The following TMPRSS9 variants were observed in gnomAD, a reference collection of about 807,000 sequenced individuals.
TMPRSS9 encodes transmembrane protease serine 9.
Under a neutral mutation model 111.4 loss-of-function variants are expected in TMPRSS9, and 113 were observed. That is an observed-to-expected ratio of 1.01 (90% CI 0.87 to 1.19). The LOEUF (loss-of-function observed/expected upper bound fraction) is 1.19. Ranked by LOEUF, TMPRSS9 falls within the 50% of genes most tolerant of loss-of-function variation. The probability of loss-of-function intolerance (pLI) is 0.00; values close to 1 mark genes in which losing one functional copy is unlikely to be tolerated. For synonymous variants in TMPRSS9, 805 were observed against 659.1 expected, an observed-to-expected ratio of 1.22 and a Z score of -3.39; for missense variants, 1,803 against 1,513.1, an observed-to-expected ratio of 1.19 and a Z score of -3.18.
chr19:2,408,502 T>C (rs1231020220), exon 8 of TMPRSS9: 1 of 1,613,906 alleles, frequency 6.2e-7, no homozygotes, highest in East Asian at 2.2e-5. Flanking sequence ...GTGGCTGTGC[T>C]GGAGCTGACC....
chr19:2,423,962 A>G (rs1971528134), intron 14 of TMPRSS9, 127 bp from the exon 16 acceptor site: 4 of 1,019,392 alleles, frequency 3.9e-6, no homozygotes, highest in African/African-American at 1.7e-5. Context: ...TTTTCCTGGG[A>G]TAGGTCCCCC....
chr19:2,403,342 C>A, intron 6 of TMPRSS9, 147 bp downstream of exon 7: 1 of 666,658 alleles, frequency 1.5e-6, no homozygotes. Flanking sequence ...AAAGGGGCAC[C>A]CATGGTATGG....
intron 1 of TMPRSS9, 134 bp downstream of exon 2, chr19:2,390,061 C>G: frequency 8.5e-7 from 1 of 1,179,180 alleles, no homozygotes; most frequent in Non-Finnish European, 1.2e-6. Flanking sequence ...GAAGGCTGCC[C>G]TAGGCCAGGC....
At chr19:2,372,502 C>T (rs537797299) in intron 1 of TMPRSS9, among the ~76,000 whole-genome samples, 21 of 152,222 alleles carry the variant, frequency 1.4e-4, no homozygotes, top group African/African-American at 5.1e-4. Flanking sequence ...TTCATTCTCT[C>T]CCACCCCCAG....
At chr19:2,364,505 C>T (rs1362253690) in intron 1 of TMPRSS9, among the ~76,000 whole-genome samples, 1 of 152,072 alleles carries the variant, frequency 6.6e-6, no homozygotes, top group Non-Finnish European at 1.5e-5. Flanking sequence ...ACCTTGGCCT[C>T]CCAAAGTGCT....
At chr19:2,418,234 C>T in intron 13 of TMPRSS9, 96 bp downstream of exon 14, 3 of 1,455,412 alleles carry the variant, frequency 2.1e-6, no homozygotes, top group Non-Finnish European at 2.8e-6. Flanking sequence ...GATTTTTTTC[C>T]TTTCTTTCCT....
At chr19:2,421,560 T>C (rs1971462456) in intron 13 of TMPRSS9, among the ~76,000 whole-genome samples, 1 of 152,008 alleles carries the variant, frequency 6.6e-6, no homozygotes, top group South Asian at 2.1e-4. Context: ...GTGCTGGGAT[T>C]ACAGGCGTGA....
upstream of TMPRSS9, among the ~76,000 whole-genome samples, chr19:2,384,836 G>T (rs1010749397): frequency 8.6e-5 from 12 of 139,790 alleles, no homozygotes; most frequent in African/African-American, 3.2e-4. Flanking sequence ...AAAAAAATTA[G>T]CTGGGTGTGG....
intron 7 of TMPRSS9, among the ~76,000 whole-genome samples, chr19:2,407,829 G>C (rs1245701868): frequency 6.6e-6 from 1 of 151,630 alleles, no homozygotes; most frequent in African/African-American, 2.4e-5. Flanking sequence ...CTGTCGCCCA[G>C]GCTGGAGTGC....
At chr19:2,400,964 A>G (rs1320250797) in intron 4 of TMPRSS9, among the ~76,000 whole-genome samples, 2 of 130,450 alleles carry the variant, frequency 1.5e-5, no homozygotes, top group African/African-American at 6.7e-5. Flanking sequence ...TAACAGAGTG[A>G]GACTCTGTCT....
intron 12 of TMPRSS9, 105 bp from the exon 14 acceptor site, chr19:2,417,897 G>T: frequency 6.9e-7 from 1 of 1,456,736 alleles, no homozygotes; most frequent in Non-Finnish European, 9.4e-7. Flanking sequence ...TGGTTTCTTC[G>T]TCTGTGGGGT....
intron 4 of TMPRSS9, among the ~76,000 whole-genome samples, chr19:2,400,701 T>C (rs1386909001): frequency 6.6e-6 from 1 of 151,986 alleles, no homozygotes; most frequent in Non-Finnish European, 1.5e-5. Flanking sequence ...TTGCCAGGTG[T>C]GGTGGCTCAT....
intron 7 of TMPRSS9, 127 bp downstream of exon 8, chr19:2,405,672 T>A: frequency 9.4e-7 from 1 of 1,066,976 alleles, no homozygotes; most frequent in Non-Finnish European, 1.3e-6. Flanking sequence ...TTCCTTTCTT[T>A]CTTGCTTTTG....
exon 1 of TMPRSS9, chr19:2,389,837 G>C: frequency 6.2e-7 from 1 of 1,614,028 alleles, no homozygotes; most frequent in Non-Finnish European, 8.5e-7. Flanking sequence ...AACCAAGGAA[G>C]TCCCCGCTCT....
At chr19:2,401,651 A>G (rs1034246217) in intron 4 of TMPRSS9, among the ~76,000 whole-genome samples, 6 of 151,628 alleles carry the variant, frequency 4.0e-5, no homozygotes, top group African/African-American at 1.5e-4. Flanking sequence ...TCTGTCGCCC[A>G]GGCTGGAGTA....
At chr19:2,363,124 C>CGGAA (rs1970215363) in intron 1 of TMPRSS9, among the ~76,000 whole-genome samples, 1 of 152,234 alleles carries the variant, frequency 6.6e-6, no homozygotes, top group Non-Finnish European at 1.5e-5. Flanking sequence ...GTGTGCCCCG[C>CGGAA]TGCCCACAGC....
rs766288552 is a variant in TMPRSS9 at position 2,425,932 on chromosome 19, C to G, written c.3126C>G (p.Asp1042Glu). 7.5e-6 allele frequency: 12 copies of G among 1,594,580 alleles called. No individual in the cohort carries two copies. Among genetic ancestry groups the G allele is most frequent in the Admixed American group, 1.8e-5 (1 of 54,492 alleles). ...CTTTCTTCTCTCCCCAACAGGGTGA[C>G]GCTGGGGGACCCCTGGCCTGCAGGG... The change falls in exon 18 of 18, where the codon GAC becomes GAG. Residue 1042 changes from aspartate (D) to glutamate (E), a missense_variant. Asp to Glu is a conservative substitution (Grantham distance 45). Transcript: ENST00000648592.
At chr19:2,366,469 A>G (rs566798308) in intron 1 of TMPRSS9, among the ~76,000 whole-genome samples, 1 of 152,284 alleles carries the variant, frequency 6.6e-6, no homozygotes, top group South Asian at 2.1e-4. Context: ...AAAACAACAG[A>G]CATTTATTCT....
chr19:2,422,138 G>C, exon 14 of TMPRSS9: 1 of 1,593,650 alleles, frequency 6.3e-7, no homozygotes, highest in Non-Finnish European at 8.6e-7. Flanking sequence ...CTGCCAGCAG[G>C]GTGACGGGCC....
Sources: gnomAD v4.1 joint callset for allele counts (sites outside exome capture counted in the v4.1 genomes callset) on GRCh38, gnomAD v4.1.1 for gene constraint, MANE v1.5 for transcripts, NCBI Gene and HGNC (gene_info 2026-07-23, HGNC 2026-07-21) for gene names.